Variants in TTC7B observed in about 807,000 individuals in gnomAD.
TTC7B encodes tetratricopeptide repeat protein 7B.
In TTC7B, 28 loss-of-function variants were observed where a neutral mutation model predicts 106.8. That is an observed-to-expected ratio of 0.26 (90% confidence interval 0.19 to 0.36). The LOEUF is 0.36. Ranked by LOEUF, TTC7B falls within the 10% of genes least tolerant of loss-of-function variation. The pLI, the probability that TTC7B is intolerant of heterozygous loss-of-function variation, is 1.00. For missense variants in TTC7B, 862 were observed against 1,076.4 expected, an observed-to-expected ratio of 0.80 and a Z score of 2.79; for synonymous variants, 405 against 430.6, an observed-to-expected ratio of 0.94 and a Z score of 0.74.
rs1048662843 is a variant in TTC7B, at chr14:90,759,870, G to C, written c.446-14948C>G. Among the ~76,000 whole-genome samples the C allele has an allele frequency of 6.6e-6, 1 of 152,216 alleles. No homozygotes were observed. Among genetic ancestry groups the C allele is most frequent in the East Asian group, 1.9e-4 (1 of 5,198 alleles). ...GAATGGCCCCGTCACAGGCACCCCT[G>C]TGCAGCAGGCACTGTTGTCCCTGGC... On this transcript the variant is annotated intron_variant, in intron 3 of 19. Transcript: ENST00000328459. The surrounding 1 kb of genome is among the most constrained non-coding windows in gnomAD (Gnocchi z 4.1).
Position 90,816,192 on chromosome 14 carries a change from G to T in TTC7B, c.104C>A (p.Ala35Asp). The T allele has an allele frequency of 7.9e-7, 1 of 1,265,620 alleles. No homozygotes were observed. Among genetic ancestry groups the T allele is most frequent in the East Asian group, 6.7e-5 (1 of 14,898 alleles). 78.4% of individuals were successfully genotyped at this position (1,265,620 alleles called of 1,614,324 possible). Residue 35 changes from alanine (A) to aspartate (D), a missense_variant, in exon 1 of 20, where the codon GCC becomes GAC. By Grantham distance (126) the Ala-to-Asp change is moderately radical. Transcript: ENST00000328459. ...GAGCGTACCGTTGGCGATGAGCTTG[G>T]CCGACAGCTGCTTGACGAGCTCAGG... ...RIPELVKQLS[A>D]KLIANDDMAE... is the part of the protein sequence containing the mutation.
At position 90,536,669 on chromosome 14, in the gene TTC7B, C is replaced by T. The variant is rs1294559; in HGVS notation, c.*4699G>A. 94,638 of 152,258 alleles carry T rather than the reference C, an allele frequency of 0.62. 30,981 individuals are homozygous for T. The highest frequency in any genetic ancestry group is 0.73 in the South Asian group (3,508 of 4,814). 9.4% of individuals were successfully genotyped at this position (152,258 alleles called of 1,614,324 possible). ...AGAATCTTCACAGTCCAGTGCCTCTCGCCACTTCCTCCACGCCCCTTGGTC... is the reference window on the plus strand; with the variant it reads ...AGAATCTTCACAGTCCAGTGCCTCTTGCCACTTCCTCCACGCCCCTTGGTC... On this transcript the variant is annotated 3_prime_UTR_variant, in exon 20 of 20. Transcript: ENST00000328459.
chr14:90,616,735 C>A (rs1439371584), intron 16 of TTC7B, among the ~76,000 whole-genome samples: 1 of 152,172 alleles, frequency 6.6e-6, no homozygotes, highest in Non-Finnish European at 1.5e-5. Context: ...TCACAGGGAA[C>A]CCCATCTCTG....
At chr14:90,800,995 A>C (rs879739783) in intron 1 of TTC7B, among the ~76,000 whole-genome samples, 5 of 151,956 alleles carry the variant, frequency 3.3e-5, no homozygotes, top group Non-Finnish European at 5.9e-5. Flanking sequence ...AGACCAGGCT[A>C]TACGGTCCTT....
chr14:90,609,253 A>C (rs1892780507), intron 17 of TTC7B, among the ~76,000 whole-genome samples: 1 of 152,258 alleles, frequency 6.6e-6, no homozygotes, highest in Non-Finnish European at 1.5e-5. Flanking sequence ...TCCATGGCTC[A>C]GTCCACATTT....
At position 90,655,102 on chromosome 14, in the gene TTC7B, C is replaced by T; in HGVS notation, c.1350G>A (p.Glu450=). 1.9e-6 allele frequency: 3 copies of T among 1,612,798 alleles called. No homozygotes were observed. Among genetic ancestry groups the T allele is most frequent in the Non-Finnish European group, 2.5e-6 (3 of 1,178,754 alleles). ...LCMGSLHWLE[E]AEKFAKTVVD... ...CGACAGTTTTGGCAAACTTTTCAGC[C>T]TCTTCCAACTGAAAAATGAGACAAG... Residue 450 remains glutamate (E), a synonymous_variant, in exon 12 of 20, where the codon GAG becomes GAA. Coordinates refer to ENST00000328459, the MANE Select transcript of TTC7B (RefSeq NM_001010854.2).
At chr14:90,595,193 C>T (rs1004753280) in intron 17 of TTC7B, among the ~76,000 whole-genome samples, 6 of 152,026 alleles carry the variant, frequency 3.9e-5, no homozygotes, top group African/African-American at 1.4e-4. Context: ...ATTAGCCAGG[C>T]GCGGTGGCAG....
rs1394927676 is a variant in TTC7B, at chr14:90,808,606, C to T, written c.121+7569G>A. On this transcript the variant is annotated intron_variant, in intron 1 of 19. Transcript: ENST00000328459. The surrounding 1 kb of genome is among the most constrained non-coding windows in gnomAD (Gnocchi z 4.2). ...TCCATTAGCTTTCCTGTGGCTGTGG[C>T]CGTCTTTCATATTTTATATGGCACC... 1.3e-5 allele frequency among the ~76,000 whole-genome samples: 2 copies of T among 152,090 alleles called. No homozygotes were observed. Among genetic ancestry groups the T allele is most frequent in the African/African-American group, 4.8e-5 (2 of 41,386 alleles).
intron 19 of TTC7B, among the ~76,000 whole-genome samples, chr14:90,551,113 G>A (rs796280725): frequency 2.6e-5 from 4 of 152,106 alleles, no homozygotes; most frequent in African/African-American, 7.2e-5. Context: ...GAACCCACCC[G>A]CAGAGCCAAC....
In TTC7B at chr14:90,688,351, G is replaced by A. The variant is rs148841945; in HGVS notation, c.950+1189C>T. On this transcript the variant is annotated intron_variant, in intron 7 of 19. Coordinates refer to ENST00000328459, the MANE Select transcript of TTC7B (RefSeq NM_001010854.2). The stretch of plus-strand genomic sequence containing the variant: ...CTAAAAATACAAAAATTGTCCCAGC[G>A]TGGTGGCTCACACCTGTAATCCCAG... 1.7e-3 allele frequency among the ~76,000 whole-genome samples: 259 copies of A among 152,170 alleles called. 4 individuals are homozygous for A. The highest frequency in any genetic ancestry group is 6.0e-3 in the African/African-American group (250 of 41,528).
intron 4 of TTC7B, among the ~76,000 whole-genome samples, chr14:90,738,889 G>A (rs1889648513): frequency 6.6e-6 from 1 of 152,136 alleles, no homozygotes; most frequent in Non-Finnish European, 1.5e-5. Flanking sequence ...GTTGGGCATG[G>A]TGGTGCGTGC....
At chr14:90,726,550 C>A (rs1889110795) in intron 5 of TTC7B, among the ~76,000 whole-genome samples, 1 of 152,180 alleles carries the variant, frequency 6.6e-6, no homozygotes, top group Admixed American at 6.5e-5. Flanking sequence ...AATTTACCTC[C>A]TGCTGTTTGC....
intron 1 of TTC7B, among the ~76,000 whole-genome samples, chr14:90,793,593 G>T (rs1595377278): frequency 2.8e-5 from 4 of 142,664 alleles, no homozygotes; most frequent in Non-Finnish European, 3.0e-5. Context: ...TTGTTTGTTT[G>T]TTTGTTTTTT....
intron 1 of TTC7B, among the ~76,000 whole-genome samples, chr14:90,790,342 A>C (rs1178172831): frequency 6.6e-6 from 1 of 152,174 alleles, no homozygotes; most frequent in Non-Finnish European, 1.5e-5. Flanking sequence ...TATATATACC[A>C]GGATATTAAT....
chr14:90,653,101 T>C (rs1296075056), intron 12 of TTC7B, among the ~76,000 whole-genome samples: 1 of 152,136 alleles, frequency 6.6e-6, no homozygotes, highest in Non-Finnish European at 1.5e-5. Context: ...TCATTAGGTG[T>C]GACTGTGGAA....
chr14:90,659,035 T>C (rs1205793205), intron 9 of TTC7B, among the ~76,000 whole-genome samples: 1 of 151,990 alleles, frequency 6.6e-6, no homozygotes, highest in Non-Finnish European at 1.5e-5. Flanking sequence ...ACAAAGTGGA[T>C]AGAATGGTCC....
At position 90,649,372 on chromosome 14, in the gene TTC7B, C is replaced by T. The variant is rs183862968; in HGVS notation, c.1518-2349G>A. 3.9e-5 allele frequency among the ~76,000 whole-genome samples: 6 copies of T among 152,264 alleles called. No homozygotes were observed. The East Asian group carries it at 1.2e-3, about 29-fold the overall frequency. ...AGTAGATGCTAAAATACTTGCTTCC[C>T]GTGGAGCAACTTCAGCAGCTAAGCT... On this transcript the variant is annotated intron_variant, in intron 13 of 19. Transcript: ENST00000328459.
chr14:90,760,649 C>T lies in TTC7B; in HGVS notation c.446-15727G>A, dbSNP rs151306844. 3.0e-4 allele frequency among the ~76,000 whole-genome samples: 45 copies of T among 152,340 alleles called. No individual in the cohort carries two copies. The East Asian group carries it at 7.7e-3, about 26-fold the overall frequency. ...AAAGCTCTGTGTCATCGGCATCCCT[C>T]CACCCCTTCACTAGCCCAGAGCCCT... On this transcript the variant is annotated intron_variant, in intron 3 of 19. Coordinates refer to ENST00000328459, the MANE Select transcript of TTC7B (RefSeq NM_001010854.2).
intron 9 of TTC7B, among the ~76,000 whole-genome samples, chr14:90,665,891 T>G (rs1397939128): frequency 6.6e-6 from 1 of 152,194 alleles, no homozygotes; most frequent in Non-Finnish European, 1.5e-5. Context: ...TTAAACATGA[T>G]ATATACAAAA....
Sources: allele counts gnomAD v4.1 joint callset (sites outside exome capture counted in the v4.1 genomes callset), GRCh38; gene constraint gnomAD v4.1.1; non-coding constraint Gnocchi (gnomAD v3.1); transcripts MANE v1.5; gene names NCBI Gene and HGNC (gene_info 2026-07-23, HGNC 2026-07-21).